Variants in MGST1 observed in about 807,000 individuals in gnomAD.
MGST1 encodes microsomal glutathione S-transferase 1, also known as glutathione S-transferase 12.
A neutral mutation model predicts 8.9 loss-of-function variants in MGST1; 5 were observed. The observed-to-expected ratio is 0.56, with a 90% CI of 0.29 to 1.19. The LOEUF (loss-of-function observed/expected upper bound fraction) is 1.19, where lower values mean the gene tolerates loss of function less well. Among genes scored for constraint, MGST1 ranks in the 50% most tolerant of loss-of-function variants. MGST1 has a pLI of 0.08. For missense variants in MGST1, 182 were observed against 187.4 expected (o/e 0.97, Z 0.17); for synonymous variants, 54 against 67.8 (o/e 0.80, Z 1.00).
intron 4 of MGST1, among the ~76,000 whole-genome samples, chr12:16,541,227 A>G (rs974435107): frequency 2.8e-4 from 43 of 152,238 alleles, no homozygotes; most frequent in African/African-American, 1.0e-3. Flanking sequence ...ATACATGTAA[A>G]TATTATCTTT....
In MGST1 at chr12:16,402,466, T is replaced by A. The variant is rs1055869317; in HGVS notation, n.778+18862T>A. On this transcript the variant is annotated intron_variant and non_coding_transcript_variant, in intron 1 of 1. Transcript: ENST00000359720. The stretch of plus-strand genomic sequence containing the variant: ...CTCGGGTTCTGAGAATCACGCGATG[T>A]CCCGGCTCTGCCACCTGCTCTCGGC... 5.7e-6 allele frequency: 9 copies of A among 1,573,560 alleles called. No individual in the cohort carries two copies. The African/African-American group carries it at 1.2e-4, about 21-fold the overall frequency.
At chr12:16,570,288 C>T (rs1055423469) in intron 4 of MGST1, among the ~76,000 whole-genome samples, 2 of 152,208 alleles carry the variant, frequency 1.3e-5, no homozygotes, top group Non-Finnish European at 1.5e-5. Flanking sequence ...TTACAGACTT[C>T]TTAGAGACTC....
chr12:16,348,801 TAA>T (rs61688908), intron 1 of MGST1: 88,357 of 139,106 alleles, frequency 0.64, 28,246 homozygotes, highest in Middle Eastern at 0.7. Context: ...CTTTGGTAAT[TAA>T]AAAAAAAAAA....
At chr12:16,439,714 A>T (rs1252559771), downstream of MGST1, among the ~76,000 whole-genome samples, 2 of 151,842 alleles carry the variant, frequency 1.3e-5, no homozygotes, top group African/African-American at 4.8e-5. Context: ...CAATTTTCCA[A>T]CATGGACCTA....
At chr12:16,406,416 C>T (rs143992767) in intron 1 of MGST1, among the ~76,000 whole-genome samples, 89 of 152,172 alleles carry the variant, frequency 5.8e-4, no homozygotes, top group African/African-American at 8.4e-4. Flanking sequence ...TCAGAGATGA[C>T]GCAAACAAAT....
chr12:16,538,753 C>T (rs185990286), intron 4 of MGST1, among the ~76,000 whole-genome samples: 22 of 151,972 alleles, frequency 1.4e-4, no homozygotes, highest in South Asian at 2.1e-4. Flanking sequence ...GGACTACAGG[C>T]GCCCACCACC....
At chr12:16,368,678 A>C (rs1282566878), downstream of MGST1, among the ~76,000 whole-genome samples, 1 of 152,144 alleles carries the variant, frequency 6.6e-6, no homozygotes. Flanking sequence ...TTGACAGCTC[A>C]TGTACAAGAT....
intron 3 of MGST1, among the ~76,000 whole-genome samples, chr12:16,359,170 C>G (rs1939874552): frequency 6.6e-6 from 1 of 152,146 alleles, no homozygotes; most frequent in African/African-American, 2.4e-5. Context: ...TATGTTATTT[C>G]TCTGTCAGAC....
rs1941834345 is a variant in MGST1 at position 16,547,216 on chromosome 12, T to C, written n.483-42312T>C. ...ATTACCTACAGGCATGTGTTAAACTTGACACTGGTTTCAGCCAAATAATGG... is the reference window on the plus strand; with the variant it reads ...ATTACCTACAGGCATGTGTTAAACTCGACACTGGTTTCAGCCAAATAATGG... On this transcript the variant is annotated intron_variant and non_coding_transcript_variant, in intron 4 of 4. Transcript: ENST00000538857. This position sits in a 1 kb window ranked among gnomAD's most constrained non-coding sequence, Gnocchi z 4.6. Among the ~76,000 whole-genome samples, 1 of 152,116 alleles carries C rather than the reference T, an allele frequency of 6.6e-6. No individual in the cohort carries two copies. Among genetic ancestry groups the C allele is most frequent in the Non-Finnish European group, 1.5e-5 (1 of 68,014 alleles).
intron 4 of MGST1, among the ~76,000 whole-genome samples, chr12:16,454,403 T>C (rs993632395): frequency 2.0e-5 from 3 of 151,882 alleles, no homozygotes; most frequent in Non-Finnish European, 4.4e-5. Context: ...TTCTCCTCCT[T>C]CTAGTGATGA....
intron 3 of MGST1, among the ~76,000 whole-genome samples, chr12:16,371,428 A>C (rs1940291443): frequency 6.6e-6 from 1 of 152,136 alleles, no homozygotes; most frequent in South Asian, 2.1e-4. Context: ...AGGGCTTGTA[A>C]AGAAAGAAAG....
At chr12:16,514,098 T>C in intron 4 of MGST1, 1 of 382,352 alleles carries the variant, frequency 2.6e-6, no homozygotes, top group South Asian at 2.3e-5. Flanking sequence ...CAAAAATCTC[T>C]TTGCACTCTT....
chr12:16,357,690 G>A lies in MGST1; in HGVS notation c.212G>A (p.Arg71His), dbSNP rs1485216528. Reference sequence around the variant, plus strand: ...CTTCGAACAGATGACAGAGTAGAACGTGTACGCAGGTAAACCAGTGTCTCT... The same window carrying A: ...CTTCGAACAGATGACAGAGTAGAACATGTACGCAGGTAAACCAGTGTCTCT... Reference protein sequence around the residue: ...KYLRTDDRVERVRRAHLNDLE... With the variant: ...KYLRTDDRVEHVRRAHLNDLE... The change falls in exon 3 of 4, where the codon CGT becomes CAT. Residue 71 changes from arginine (R) to histidine (H), a missense_variant. Transcript: ENST00000396210. The A allele has an allele frequency of 6.8e-6, 11 of 1,612,402 alleles. No individual in the cohort carries two copies. Among genetic ancestry groups the A allele is most frequent in the Admixed American group, 3.3e-5 (2 of 59,806 alleles).
rs576101515 is a variant in MGST1, at chr12:16,582,846, G to A, written n.483-6682G>A. Among the ~76,000 whole-genome samples the A allele has an allele frequency of 9.5e-4, 144 of 152,098 alleles. 2 individuals carry two copies. Among genetic ancestry groups the A allele is most frequent in the African/African-American group, 3.0e-3 (126 of 41,500 alleles). On this transcript the variant is annotated intron_variant and non_coding_transcript_variant, in intron 4 of 4. Coordinates refer to the MGST1 transcript ENST00000538857. This position sits in a 1 kb window ranked among gnomAD's most constrained non-coding sequence, Gnocchi z 4.1. ...GTGGATCACCTGAGGTCAGGAGTTCGAGACCAGCCTGGCCAACATGGCGAA... is the reference window on the plus strand; with the variant it reads ...GTGGATCACCTGAGGTCAGGAGTTCAAGACCAGCCTGGCCAACATGGCGAA...
chr12:16,551,687 T>G (rs1941995944), intron 4 of MGST1, among the ~76,000 whole-genome samples: 1 of 151,830 alleles, frequency 6.6e-6, no homozygotes. Flanking sequence ...ATGATAATAA[T>G]GTTTCACTGC....
At position 16,363,258 on chromosome 12, in the gene MGST1, TAGATATA is replaced by T. The variant is rs1443485689; in HGVS notation, c.222-533_222-527del. 6.6e-6 allele frequency: 1 copy of T among 152,214 alleles called. No individual in the cohort carries two copies. Among genetic ancestry groups the T allele is most frequent in the African/African-American group, 2.4e-5 (1 of 41,464 alleles). The allele number at this position is 152,214 out of a possible 1,614,324, so 9.4% of individuals were successfully genotyped here. On this transcript the variant is annotated intron_variant, in intron 3 of 3. Transcript: ENST00000396210. This position sits in a 1 kb window ranked among gnomAD's most constrained non-coding sequence, Gnocchi z 4.6. ...AAGGCTAGTTATGTATTCTGTTATT[TAGATATA>T]AGAGCATGAGAGTCTTGATATTAAA...
chr12:16,506,658 A>G (rs886332459), intron 4 of MGST1, among the ~76,000 whole-genome samples: 1 of 152,176 alleles, frequency 6.6e-6, no homozygotes, highest in Non-Finnish European at 1.5e-5. Context: ...TGCCATGCCA[A>G]TTCATCTGCA....
intron 1 of MGST1, among the ~76,000 whole-genome samples, chr12:16,421,462 C>A (rs372062905): frequency 6.6e-6 from 1 of 152,156 alleles, no homozygotes; most frequent in South Asian, 2.1e-4. Flanking sequence ...ATCACTAATT[C>A]CCCAAATGGG....
rs765242101 is a variant in MGST1 at position 16,586,095 on chromosome 12, G to A, written n.483-3433G>A. 2.0e-5 allele frequency among the ~76,000 whole-genome samples: 3 copies of A among 151,954 alleles called. No homozygotes were observed. The highest frequency in any genetic ancestry group is 4.4e-5 in the Non-Finnish European group (3 of 68,008). On this transcript the variant is annotated intron_variant and non_coding_transcript_variant, in intron 4 of 4. Transcript: ENST00000538857. This position sits in a 1 kb window ranked among gnomAD's most constrained non-coding sequence, Gnocchi z 4.3. ...GTACAATTCCATAAAAATTTTTGAG[G>A]GGCCAAAACAATAGGGGTCAAGATC...
Sources: gnomAD v4.1 joint callset for allele counts (sites outside exome capture counted in the v4.1 genomes callset) on GRCh38, gnomAD v4.1.1 for gene constraint, Gnocchi (gnomAD v3.1) non-coding constraint, MANE v1.5 for transcripts, NCBI Gene and HGNC (gene_info 2026-07-23, HGNC 2026-07-21) for gene names.